The following ZC3H18 variants were observed in gnomAD, a reference collection of about 807,000 sequenced individuals.
The protein encoded by ZC3H18 is zinc finger CCCH-type containing 18, also known as zinc finger CCCH domain-containing protein 18.
Under a neutral mutation model 106.1 loss-of-function variants are expected in ZC3H18, and 8 were observed. The ratio of observed to expected loss-of-function variants is 0.08; its 90% CI spans 0.04 to 0.14. ZC3H18 has a LOEUF of 0.14. ZC3H18 is among the 10% of genes least tolerant of loss of function. The pLI is 1.00. For missense variants in ZC3H18, 1,318 were observed against 1,278.4 expected, an observed-to-expected ratio of 1.03 and a Z score of -0.47; for synonymous variants, 635 against 522.1, an observed-to-expected ratio of 1.22 and a Z score of -2.95.
intron 9 of ZC3H18, 105 bp from the exon 10 acceptor site, chr16:88,623,096 CAGCTGTGCGCTTGTGTGT>C (rs1191828567): frequency 1.1e-5 from 15 of 1,406,420 alleles, no homozygotes; most frequent in African/African-American, 1.4e-5. Context: ...CGCGCGTGCG[CAGCTGTGCGCTTGTGTGT>C]AGCTGTGCGT....
intron 3 of ZC3H18, among the ~76,000 whole-genome samples, chr16:88,588,803 T>A (rs1269885173): frequency 6.6e-6 from 1 of 152,062 alleles, no homozygotes; most frequent in Non-Finnish European, 1.5e-5. Flanking sequence ...GGCAGATCAC[T>A]TGAGCCTGGG....
chr16:88,613,930 C>CA (rs1905416087), intron 8 of ZC3H18, among the ~76,000 whole-genome samples: 1 of 150,602 alleles, frequency 6.6e-6, no homozygotes, highest in Non-Finnish European at 1.5e-5. Flanking sequence ...GACCCTGTCT[C>CA]AAAAAAAGGG....
Position 88,630,553 on chromosome 16 carries a change from T to G in ZC3H18, c.2635T>G (p.Ser879Ala), listed in dbSNP as rs1425617769. The change falls in exon 17 of 18, where the codon TCC becomes GCC. Residue 879 changes from serine (S) to alanine (A), a missense_variant. Around this residue, in one of 6 missense-constraint regions of ZC3H18, gnomAD observed 848 missense variants for 821.7 expected, o/e 1.03. Transcript: ENST00000301011. ...GCCAGAGCGGCAGAGAGGCCAGAAC[T>G]CCAAAGCCCCTGCAGCCCCGGCTGA... ...PKPERQRGQN[S>A]KAPAAPADRK... 1 of 1,611,202 alleles carries G rather than the reference T, an allele frequency of 6.2e-7. No homozygotes were observed. Among genetic ancestry groups the G allele is most frequent in the Non-Finnish European group, 8.5e-7 (1 of 1,179,458 alleles).
rs944929521 is a variant in ZC3H18, at chr16:88,627,406, A to G, written c.2109-216A>G. ...GCGTGAGCAGCCGTGCCTGGCTGCA[A>G]CCTGACATTGATTAGTGAAATGGGG... On this transcript the variant is annotated intron_variant, in intron 13 of 17. Transcript: ENST00000301011. The surrounding 1 kb of genome is among the most constrained non-coding windows in gnomAD (Gnocchi z 4.5). The G allele has an allele frequency of 1.3e-4, 67 of 533,788 alleles. No homozygotes were observed. Among genetic ancestry groups the G allele is most frequent in the African/African-American group, 1.0e-3 (55 of 52,880 alleles). The allele number at this position is 533,788 out of a possible 1,614,324, so 33.1% of individuals were successfully genotyped here. A position where few individuals can be genotyped will look rare whatever the true frequency, so the allele number is the denominator to read the frequency against.
chr16:88,571,983 C>G (rs1914436528), intron 1 of ZC3H18, among the ~76,000 whole-genome samples: 1 of 152,164 alleles, frequency 6.6e-6, no homozygotes, highest in Non-Finnish European at 1.5e-5. Context: ...CTTTAGAACT[C>G]CTGTTGTGGT....
intron 10 of ZC3H18, 65 bp downstream of exon 10, chr16:88,623,409 GGCTTTAGTTGTGGC>G: frequency 6.3e-7 from 1 of 1,582,412 alleles, no homozygotes; most frequent in Non-Finnish European, 8.6e-7. Context: ...CTGCGGATGT[GGCTTTAGTTGTGGC>G]GCCAGTAGCC....
At chr16:88,580,327 G>A (rs546455265) in intron 2 of ZC3H18, among the ~76,000 whole-genome samples, 1 of 152,238 alleles carries the variant, frequency 6.6e-6, no homozygotes, top group African/African-American at 2.4e-5. Flanking sequence ...TGGGCAGCCA[G>A]TCAGTAGAGG....
intron 6 of ZC3H18, among the ~76,000 whole-genome samples, chr16:88,603,913 G>GTGA (rs1396462368): frequency 6.6e-6 from 1 of 151,564 alleles, no homozygotes; most frequent in Non-Finnish European, 1.5e-5. Flanking sequence ...GATTACAGGC[G>GTGA]TGAGCCACCG....
At chr16:88,597,008 C>T (rs1174097835) in intron 3 of ZC3H18, among the ~76,000 whole-genome samples, 1 of 152,208 alleles carries the variant, frequency 6.6e-6, no homozygotes, top group Non-Finnish European at 1.5e-5. Context: ...GCAAGCTCCA[C>T]CTCCTGGGTT....
intron 2 of ZC3H18, among the ~76,000 whole-genome samples, chr16:88,578,835 C>T (rs965035554): frequency 2.6e-5 from 4 of 152,262 alleles, no homozygotes; most frequent in East Asian, 1.9e-4. Flanking sequence ...GGATTACAGG[C>T]GCCCGCCACC....
chr16:88,623,159 G>A, intron 9 of ZC3H18, 60 bp from the exon 10 acceptor site: 2 of 1,582,716 alleles, frequency 1.3e-6, no homozygotes, highest in South Asian at 2.3e-5. Flanking sequence ...GTGCGTCAGG[G>A]CGTGTGGGGC....
At chr16:88,579,012 G>T (rs1299322892) in intron 2 of ZC3H18, among the ~76,000 whole-genome samples, 1 of 152,156 alleles carries the variant, frequency 6.6e-6, no homozygotes, top group Non-Finnish European at 1.5e-5. Flanking sequence ...CCAGTAGCAT[G>T]CTGGCGTGCG....
At chr16:88,574,123 C>T (rs549131334) in intron 1 of ZC3H18, among the ~76,000 whole-genome samples, 1 of 152,156 alleles carries the variant, frequency 6.6e-6, no homozygotes, top group Non-Finnish European at 1.5e-5. Flanking sequence ...GATCCACCCG[C>T]GTCAGTCTTC....
chr16:88,626,989 C>G (rs1906351783), intron 13 of ZC3H18: 1 of 152,318 alleles, frequency 6.6e-6, no homozygotes, highest in Non-Finnish European at 1.5e-5. Flanking sequence ...AAGCCAGGGA[C>G]TCTGCTTAAA....
chr16:88,578,421 T>C (rs1029350830), intron 2 of ZC3H18, among the ~76,000 whole-genome samples: 1 of 152,172 alleles, frequency 6.6e-6, no homozygotes, highest in African/African-American at 2.4e-5. Flanking sequence ...GGAAAAACTA[T>C]GAGTGTTTCG....
At chr16:88,617,254 C>G (rs373897939) in intron 8 of ZC3H18, among the ~76,000 whole-genome samples, 11 of 146,730 alleles carry the variant, frequency 7.5e-5, no homozygotes, top group Middle Eastern at 6.9e-3. Flanking sequence ...TCATCCCCAT[C>G]GGTATCTCTG....
intron 16 of ZC3H18, 85 bp downstream of exon 16, chr16:88,628,939 T>G: frequency 7.3e-7 from 1 of 1,374,162 alleles, no homozygotes; most frequent in Non-Finnish European, 1.0e-6. Flanking sequence ...CCCATTGCTC[T>G]TAACAAGTAG....
rs1904356303 is a variant in ZC3H18, at chr16:88,595,049, G to A, written c.689-3129G>A. 2.0e-5 allele frequency among the ~76,000 whole-genome samples: 3 copies of A among 152,212 alleles called. No individual in the cohort carries two copies. The South Asian group carries it at 6.2e-4, about 32-fold the overall frequency. ...GCCTGTAATTCCAGCTACTCGGGAG[G>A]CTGAGGCAGGAGAATCACTTGAACC... On this transcript the variant is annotated intron_variant, in intron 3 of 17. Transcript: ENST00000301011.
At chr16:88,601,095 T>A (rs1316096873) in intron 6 of ZC3H18, among the ~76,000 whole-genome samples, 1 of 152,258 alleles carries the variant, frequency 6.6e-6, no homozygotes, top group African/African-American at 2.4e-5. Context: ...CAGGCTACCC[T>A]GGGCTTTCCG....
Sources: gnomAD v4.1 joint callset for allele counts (sites outside exome capture counted in the v4.1 genomes callset) on GRCh38, gnomAD v4.1.1 for gene constraint, gnomAD v4.1.1 regional missense constraint, Gnocchi (gnomAD v3.1) non-coding constraint, MANE v1.5 for transcripts, NCBI Gene and HGNC (gene_info 2026-07-23, HGNC 2026-07-21) for gene names.